The following PPIL4 variants were observed in gnomAD, a reference collection of about 807,000 sequenced individuals.
PPIL4 encodes peptidyl-prolyl cis-trans isomerase-like 4.
A neutral mutation model predicts 69.1 loss-of-function variants in PPIL4; 50 were observed. The ratio of observed to expected loss-of-function variants is 0.72; its 90% CI spans 0.58 to 0.92. The LOEUF (loss-of-function observed/expected upper bound fraction) is 0.92. PPIL4 is among the 40% of genes least tolerant of loss of function. The pLI, the probability that PPIL4 is intolerant of heterozygous loss-of-function variation, is 0.00. For missense variants in PPIL4, 480 were observed against 587.9 expected (o/e 0.82, Z 1.90); for synonymous variants, 193 against 191.6 (o/e 1.01, Z -0.06).
In PPIL4 at chr6:149,529,355, G is replaced by A. The variant is rs1161075162; in HGVS notation, c.679-2579C>T. 3.3e-5 allele frequency among the ~76,000 whole-genome samples: 5 copies of A among 152,254 alleles called. No homozygotes were observed. In the East Asian group the frequency reaches 5.8e-4, roughly 18 times the overall value. On this transcript the variant is annotated intron_variant, in intron 7 of 12. Transcript: ENST00000253329. The stretch of plus-strand genomic sequence containing the variant: ...CGCCTGTGGTCCCAGCTACTTGTGA[G>A]GCTGAGGTAGGAGGATTACTTGAGC...
At chr6:149,514,504 TC>T (rs1321237973) in intron 11 of PPIL4, among the ~76,000 whole-genome samples, 2 of 152,144 alleles carry the variant, frequency 1.3e-5, no homozygotes, top group South Asian at 4.1e-4. Flanking sequence ...GTATTTTTAG[TC>T]GAGACAGGGT....
intron 1 of PPIL4, among the ~76,000 whole-genome samples, chr6:149,542,658 A>C (rs1234009162): frequency 6.6e-6 from 1 of 152,192 alleles, no homozygotes; most frequent in Non-Finnish European, 1.5e-5. Context: ...TGGTAAAAAA[A>C]GTAGTTTTAA....
intron 4 of PPIL4, among the ~76,000 whole-genome samples, chr6:149,540,537 C>T (rs376522606): frequency 1.6e-4 from 25 of 152,288 alleles, no homozygotes; most frequent in African/African-American, 5.8e-4. Context: ...ATTGCTTGAA[C>T]CCGGGAGGGA....
Position 149,535,698 on chromosome 6 carries a change from CCATCAAGATAATCTAGA to C in PPIL4, c.345_361del (p.Asn115LysfsTer8). On this transcript the variant is annotated frameshift_variant, in exon 5 of 13. Transcript: ENST00000253329. LOFTEE classifies it high-confidence loss of function. ...CACCTCACCAAACACCGTATGGACA[CCATCAAGATAATCTAGA>C]TTTTCTCCTGTGGTGATAAGAAACT... The C allele has an allele frequency of 6.2e-7, 1 of 1,609,322 alleles. No individual in the cohort carries two copies. Among genetic ancestry groups the C allele is most frequent in the Non-Finnish European group, 8.5e-7 (1 of 1,176,456 alleles).
At chr6:149,538,111 A>G (rs185082291) in intron 4 of PPIL4, among the ~76,000 whole-genome samples, 4 of 152,102 alleles carry the variant, frequency 2.6e-5, no homozygotes, top group Non-Finnish European at 5.9e-5. Context: ...CTATAAATAC[A>G]AAAAATCAGC....
In PPIL4 at chr6:149,526,729, C is replaced by A; in HGVS notation, c.726G>T (p.Leu242=). Residue 242 remains leucine, a synonymous_variant, in exon 8 of 13, where the codon CTG becomes CTT. Coordinates refer to ENST00000253329, the MANE Select transcript of PPIL4 (RefSeq NM_139126.4). ...TCACTGGGTTCAATTTACACACAAA[C>A]AGTACATTTTCTGGAGGTTTAATAT... is the stretch of plus-strand genomic sequence containing the variant. The part of the protein sequence containing the change: ...DADIKPPENV[L]FVCKLNPVTT... The A allele has an allele frequency of 6.2e-7, 1 of 1,612,654 alleles. No individual in the cohort carries two copies. The highest frequency in any genetic ancestry group is 1.1e-5 in the South Asian group (1 of 90,986).
intron 11 of PPIL4, among the ~76,000 whole-genome samples, chr6:149,516,066 A>G (rs772911658): frequency 7.9e-5 from 12 of 152,182 alleles, no homozygotes; most frequent in Non-Finnish European, 1.8e-4. Flanking sequence ...ACTATTCCAT[A>G]TAAGTATATG....
chr6:149,533,819 G>A (rs1193369908), intron 6 of PPIL4, among the ~76,000 whole-genome samples: 3 of 152,038 alleles, frequency 2.0e-5, no homozygotes, highest in Non-Finnish European at 4.4e-5. Flanking sequence ...TCCAAGAATT[G>A]ATTTATATTA....
intron 10 of PPIL4, among the ~76,000 whole-genome samples, chr6:149,520,581 G>GCA (rs34268228): frequency 0.014 from 2,108 of 149,716 alleles, 18 homozygotes; most frequent in African/African-American, 0.024. Flanking sequence ...GCATGTGTGT[G>GCA]CACACACACA....
intron 9 of PPIL4, among the ~76,000 whole-genome samples, chr6:149,523,209 T>C (rs1187778727): frequency 3.3e-5 from 5 of 152,110 alleles, no homozygotes; most frequent in Non-Finnish European, 5.9e-5. Context: ...GTCCCAGTTA[T>C]GCAGGAGCTA....
intron 12 of PPIL4, among the ~76,000 whole-genome samples, chr6:149,509,851 T>C (rs1183217022): frequency 1.3e-5 from 2 of 152,188 alleles, no homozygotes; most frequent in Non-Finnish European, 2.9e-5. Context: ...TCTCACTTTG[T>C]TGTGTGAAAG....
chr6:149,513,653 A>AC (rs1776895798), intron 11 of PPIL4, among the ~76,000 whole-genome samples: 1 of 151,788 alleles, frequency 6.6e-6, no homozygotes, highest in Non-Finnish European at 1.5e-5. Context: ...AAAACAACAT[A>AC]TACCATACAA....
chr6:149,545,787 G>C, intron 1 of PPIL4, 149 bp downstream of exon 1: 1 of 707,786 alleles, frequency 1.4e-6, no homozygotes, highest in East Asian at 2.8e-5. Flanking sequence ...TTCTAGCCAA[G>C]GCCGGTTAAT....
At chr6:149,542,122 T>G (rs1222164833) in intron 1 of PPIL4, among the ~76,000 whole-genome samples, 3 of 152,106 alleles carry the variant, frequency 2.0e-5, no homozygotes, top group Admixed American at 2.0e-4. Flanking sequence ...TCTGGGCTAA[T>G]ACAGAAAACT....
chr6:149,525,872 G>A (rs1302788873), intron 8 of PPIL4, among the ~76,000 whole-genome samples: 1 of 152,128 alleles, frequency 6.6e-6, no homozygotes, highest in African/African-American at 2.4e-5. Flanking sequence ...AGGCCAAGAC[G>A]GACGGATCAC....
intron 4 of PPIL4, among the ~76,000 whole-genome samples, chr6:149,538,570 A>T (rs940127505): frequency 4.6e-5 from 7 of 152,206 alleles, no homozygotes; most frequent in African/African-American, 1.7e-4. Flanking sequence ...AAAAAGATTC[A>T]CCATTCTAGA....
At chr6:149,537,898 A>G (rs939975321) in intron 4 of PPIL4, among the ~76,000 whole-genome samples, 2 of 152,302 alleles carry the variant, frequency 1.3e-5, no homozygotes, top group Admixed American at 6.5e-5. Context: ...CTTTTAAAAT[A>G]TTACTGCTCA....
At chr6:149,544,934 T>C (rs1181631319) in intron 1 of PPIL4, among the ~76,000 whole-genome samples, 1 of 152,174 alleles carries the variant, frequency 6.6e-6, no homozygotes. Flanking sequence ...AACTAATCTC[T>C]CCTGGTCTCA....
At chr6:149,542,972 A>T (rs1438162959) in intron 1 of PPIL4, among the ~76,000 whole-genome samples, 1 of 152,182 alleles carries the variant, frequency 6.6e-6, no homozygotes, top group East Asian at 1.9e-4. Context: ...TTTCTTGAAT[A>T]TATTTCTGGG....
Sources: allele counts gnomAD v4.1 joint callset (sites outside exome capture counted in the v4.1 genomes callset), GRCh38; gene constraint gnomAD v4.1.1; transcripts MANE v1.5; gene names NCBI Gene and HGNC (gene_info 2026-07-23, HGNC 2026-07-21).